Variants in TMEM97 observed in about 807,000 individuals in gnomAD.
TMEM97 encodes the protein transmembrane protein 97.
TMEM97 carries 13 observed loss-of-function variants against 18.3 expected under a neutral mutation model. The ratio of observed to expected loss-of-function variants is 0.71; its 90% CI spans 0.46 to 1.13. The LOEUF is 1.13. Among genes scored for constraint, TMEM97 ranks in the 50% most tolerant of loss-of-function variants. TMEM97 has a pLI of 0.00. For missense variants in TMEM97, 205 were observed against 210.5 expected (o/e 0.97, Z 0.16); for synonymous variants, 76 against 85.3 (o/e 0.89, Z 0.60).
Position 28,328,459 on chromosome 17 carries a change from C to A in TMEM97, c.*1666C>A. On this transcript the variant is annotated 3_prime_UTR_variant, in exon 3 of 3. Transcript: ENST00000226230. The stretch of plus-strand genomic sequence containing the variant: ...AGAACGTACACTGCAGGGCCACCAG[C>A]AGCAGCTGTGCACTGATGTTAAAAC... 1.7e-6 allele frequency: 1 copy of A among 580,846 alleles called. No homozygotes were observed. The highest frequency in any genetic ancestry group is 3.0e-6 in the Non-Finnish European group (1 of 327,936). The allele number at this position is 580,846 out of a possible 1,614,324, so 36.0% of individuals were successfully genotyped here.
Position 28,327,050 on chromosome 17 carries a change from C to G in TMEM97, c.*257C>G, listed in dbSNP as rs1597781600. 2.3e-6 allele frequency: 1 copy of G among 443,696 alleles called. No homozygotes were observed. Among genetic ancestry groups the G allele is most frequent in the East Asian group, 4.2e-5 (1 of 23,972 alleles). 27.5% of individuals were successfully genotyped at this position (443,696 alleles called of 1,614,324 possible). Reference sequence around the variant, plus strand: ...GCATGATCTCGGCTCACTGCAACCTCCGCCTCCTGGGCTCAAGCCATCTTC... The same window carrying G: ...GCATGATCTCGGCTCACTGCAACCTGCGCCTCCTGGGCTCAAGCCATCTTC... On this transcript the variant is annotated 3_prime_UTR_variant, in exon 3 of 3. Coordinates refer to ENST00000226230, the MANE Select transcript of TMEM97 (RefSeq NM_014573.3).
rs782249628 is a variant in TMEM97, at chr17:28,328,621, G to A, written c.*1828G>A. On this transcript the variant is annotated 3_prime_UTR_variant, in exon 3 of 3. Coordinates refer to ENST00000226230, the MANE Select transcript of TMEM97 (RefSeq NM_014573.3). The stretch of plus-strand genomic sequence containing the variant: ...GTTTTGAGAGGCTTTTTTTTGTTTT[G>A]CCTTCCTACTATAAAAGCGAAATTT... 20 of 1,448,244 alleles carry A rather than the reference G, an allele frequency of 1.4e-5. No homozygotes were observed. Among genetic ancestry groups the A allele is most frequent in the Non-Finnish European group, 1.7e-5 (18 of 1,048,344 alleles). 89.7% of individuals were successfully genotyped at this position (1,448,244 alleles called of 1,614,324 possible).
At chr17:28,321,988 G>A (rs1555574938) in intron 1 of TMEM97, among the ~76,000 whole-genome samples, 1 of 152,096 alleles carries the variant, frequency 6.6e-6, no homozygotes, top group African/African-American at 2.4e-5. Flanking sequence ...AGGAAATGCT[G>A]ATTTTGTTGC....
intron 1 of TMEM97, among the ~76,000 whole-genome samples, chr17:28,320,679 G>C (rs1305473976): frequency 1.3e-5 from 2 of 152,224 alleles, no homozygotes; most frequent in Admixed American, 6.5e-5. Flanking sequence ...TTTGTTTACA[G>C]TTCTGGAGGC....
At chr17:28,325,352 C>G in intron 1 of TMEM97, 151 bp from the exon 2 acceptor site, 1 of 977,348 alleles carries the variant, frequency 1.0e-6, no homozygotes. Flanking sequence ...TAGGCTGTGT[C>G]ACAAAAGCCA....
intron 1 of TMEM97, among the ~76,000 whole-genome samples, chr17:28,323,400 G>C (rs1906221656): frequency 6.6e-6 from 1 of 151,850 alleles, no homozygotes; most frequent in Non-Finnish European, 1.5e-5. Context: ...TGAATAGAAA[G>C]TGAAGTTCAA....
Position 28,327,843 on chromosome 17 carries a change from T to C in TMEM97, c.*1050T>C, listed in dbSNP as rs1418027504. The C allele has an allele frequency of 6.6e-6, 1 of 152,264 alleles. No individual in the cohort carries two copies. The highest frequency in any genetic ancestry group is 1.5e-5 in the Non-Finnish European group (1 of 68,048). The allele number at this position is 152,264 out of a possible 1,614,324, so 9.4% of individuals were successfully genotyped here. ...TTTCTAAATCTTAGTCTTCCACATT[T>C]CTAGAGGCCACCTGACACAAGTCCC... On this transcript the variant is annotated 3_prime_UTR_variant, in exon 3 of 3. Coordinates refer to ENST00000226230, the MANE Select transcript of TMEM97 (RefSeq NM_014573.3).
chr17:28,326,508 T>A (rs141249157), intron 2 of TMEM97, 26 bp from the exon 3 acceptor site: 1 of 1,606,528 alleles, frequency 6.2e-7, no homozygotes, highest in Non-Finnish European at 8.5e-7. Context: ...GACCTAACCA[T>A]TTTTCTTTTC....
chr17:28,321,672 C>T (rs1236882787), intron 1 of TMEM97, among the ~76,000 whole-genome samples: 4 of 152,304 alleles, frequency 2.6e-5, no homozygotes, highest in African/African-American at 9.6e-5. Flanking sequence ...AGCCATCCTC[C>T]TGCCTCGGGC....
Position 28,326,622 on chromosome 17 carries a change from T to G in TMEM97, c.360T>G (p.Phe120Leu), listed in dbSNP as rs1312022746. The G allele has an allele frequency of 7.4e-6, 12 of 1,614,090 alleles. No individual in the cohort carries two copies. The highest frequency in any genetic ancestry group is 1.3e-5 in the African/African-American group (1 of 74,932). Residue 120 changes from phenylalanine to leucine, a missense_variant, in exon 3 of 3, where the codon TTT (phenylalanine) becomes TTG (leucine). Phe to Leu is a conservative substitution (Grantham distance 22). Transcript: ENST00000226230. ...TLIPILSTFL[F>L]EDFSKASGFK... ...TTCCGATACTCTCCACATTTCTGTT[T>G]GAGGATTTCTCCAAAGCCAGTGGTT...
chr17:28,321,828 G>GTGTGTGTGTGTGTGTGTGTT (rs1906155735), intron 1 of TMEM97, among the ~76,000 whole-genome samples: 2 of 151,598 alleles, frequency 1.3e-5, no homozygotes, highest in Non-Finnish European at 2.9e-5. Context: ...GTGTGTGTGT[G>GTGTGTGTGTGTGTGTGTGTT]TGTGTGTGTG....
chr17:28,325,428 T>C, intron 1 of TMEM97, 75 bp from the exon 2 acceptor site: 1 of 1,558,192 alleles, frequency 6.4e-7, no homozygotes, highest in Non-Finnish European at 8.7e-7. Context: ...TCCTCCAGTG[T>C]ATTTTCAAAT....
intron 1 of TMEM97, among the ~76,000 whole-genome samples, chr17:28,321,358 T>G (rs1906133370): frequency 6.6e-6 from 1 of 152,240 alleles, no homozygotes; most frequent in African/African-American, 2.4e-5. Flanking sequence ...CCCGTCTTGC[T>G]CACCCCTAAC....
At chr17:28,322,775 G>T (rs141416732) in intron 1 of TMEM97, among the ~76,000 whole-genome samples, 2 of 151,790 alleles carry the variant, frequency 1.3e-5, no homozygotes, top group African/African-American at 2.4e-5. Context: ...GAGATCGTGC[G>T]TGCAGGCCAG....
At chr17:28,322,804 A>G (rs559872768) in intron 1 of TMEM97, among the ~76,000 whole-genome samples, 3 of 75,182 alleles carry the variant, frequency 4.0e-5, no homozygotes, top group South Asian at 1.2e-3. Context: ...TTTATGTATA[A>G]CAAGGGTGGG....
At position 28,319,383 on chromosome 17, in the gene TMEM97, T is replaced by G; in HGVS notation, c.126+18T>G. 6.5e-7 allele frequency: 1 copy of G among 1,527,908 alleles called. No individual in the cohort carries two copies. Among genetic ancestry groups the G allele is most frequent in the Non-Finnish European group, 8.7e-7 (1 of 1,144,686 alleles). The allele number at this position is 1,527,908 out of a possible 1,614,324, so 94.6% of individuals were successfully genotyped here. Reference sequence around the variant, plus strand: ...CAGTCGAGGTGAGGGGCGCCCCTCTTATCCCGGCCCGCTGAGGCTCTCCCG... The same window carrying G: ...CAGTCGAGGTGAGGGGCGCCCCTCTGATCCCGGCCCGCTGAGGCTCTCCCG... On this transcript the variant is annotated intron_variant, in intron 1 of 2. Transcript: ENST00000226230.
intron 1 of TMEM97, among the ~76,000 whole-genome samples, chr17:28,320,153 A>ACAG (rs1906087957): frequency 6.6e-6 from 1 of 151,730 alleles, no homozygotes. Context: ...TCTCCATCTT[A>ACAG]TCTATAACTG....
chr17:28,320,862 C>G (rs2142154478), intron 1 of TMEM97, among the ~76,000 whole-genome samples: 2 of 152,280 alleles, frequency 1.3e-5, no homozygotes, highest in Middle Eastern at 3.4e-3. Flanking sequence ...ACATTGCCTC[C>G]CTTTCTGTAG....
intron 1 of TMEM97, among the ~76,000 whole-genome samples, chr17:28,321,133 T>C (rs888218556): frequency 6.6e-5 from 10 of 152,214 alleles, no homozygotes; most frequent in African/African-American, 2.4e-4. Flanking sequence ...TAACCATTAA[T>C]TGCCCTGAAG....
Sources: allele counts gnomAD v4.1 joint callset (sites outside exome capture counted in the v4.1 genomes callset), GRCh38; gene constraint gnomAD v4.1.1; transcripts MANE v1.5; gene names NCBI Gene and HGNC (gene_info 2026-07-23, HGNC 2026-07-21).